MMP26: variants seen among roughly 807,000 people sequenced by gnomAD.
MMP26 encodes matrix metallopeptidase 26, also known as matrix metalloproteinase-26.
Under a neutral mutation model 31.0 loss-of-function variants are expected in MMP26, and 33 were observed. The observed-to-expected ratio is 1.06, with a 90% CI of 0.81 to 1.42. The LOEUF is 1.42. MMP26 is among the 40% of genes most tolerant of loss of function. MMP26 has a pLI of 0.00. For missense variants in MMP26, 347 were observed against 316.1 expected, an observed-to-expected ratio of 1.10 and a Z score of -0.74; for synonymous variants, 122 against 114.9, an observed-to-expected ratio of 1.06 and a Z score of -0.40.
chr11:4,959,922 A>G (rs1362207516), intron 2 of MMP26, among the ~76,000 whole-genome samples: 1 of 151,904 alleles, frequency 6.6e-6, no homozygotes, highest in East Asian at 1.9e-4. Flanking sequence ...TCTCACCTTT[A>G]GACTCACAAT....
intron 2 of MMP26, among the ~76,000 whole-genome samples, chr11:4,893,181 T>G (rs148462330): frequency 6.6e-6 from 1 of 152,278 alleles, no homozygotes; most frequent in African/African-American, 2.4e-5. Flanking sequence ...TTATGTTTTA[T>G]ATCAAATATA....
chr11:4,768,991 C>T (rs776081557), intron 2 of MMP26: 1 of 1,503,138 alleles, frequency 6.7e-7, no homozygotes, highest in African/African-American at 1.4e-5. Context: ...ATTTTGTAAG[C>T]AGCAGACTGA....
chr11:4,915,872 T>G (rs1851080863), intron 2 of MMP26: 4 of 499,704 alleles, frequency 8.0e-6, no homozygotes, highest in African/African-American at 1.9e-5. Context: ...ATAGTTTCAA[T>G]AAGAAGCAAA....
At position 4,761,494 on chromosome 11, in the gene MMP26, A is replaced by G. The variant is rs575058153; in HGVS notation, c.-216-5776A>G. Among the ~76,000 whole-genome samples the G allele has an allele frequency of 9.2e-5, 14 of 152,168 alleles. No homozygotes were observed. In the South Asian group the frequency reaches 2.9e-3, roughly 32 times the overall value. On this transcript the variant is annotated intron_variant, in intron 1 of 7. Coordinates refer to ENST00000380390, the MANE Select transcript of MMP26 (RefSeq NM_021801.5). ...AAGTGTGCCTCTGTGGGATTTTTGCACCATTCTGTTACACTGCACTTCTTA... is the reference window on the plus strand; with the variant it reads ...AAGTGTGCCTCTGTGGGATTTTTGCGCCATTCTGTTACACTGCACTTCTTA...
chr11:4,849,594 C>T (rs1457593435), intron 2 of MMP26, among the ~76,000 whole-genome samples: 1 of 152,108 alleles, frequency 6.6e-6, no homozygotes, highest in Non-Finnish European at 1.5e-5. Context: ...TTCCCAACCC[C>T]AGACAGTCTG....
At chr11:4,821,942 T>C (rs1849510716) in intron 2 of MMP26, 3 of 1,614,054 alleles carry the variant, frequency 1.9e-6, no homozygotes, top group Non-Finnish European at 2.5e-6. Context: ...TGCAGTTCTA[T>C]GGTCCTTTCA....
intron 2 of MMP26, chr11:4,832,417 T>G (rs1023190365): frequency 6.5e-6 from 1 of 152,946 alleles, no homozygotes; most frequent in Non-Finnish European, 1.5e-5. Flanking sequence ...TGGGGATTTC[T>G]GCTGATACAT....
At chr11:4,777,047 A>G (rs1848799236) in intron 2 of MMP26, among the ~76,000 whole-genome samples, 1 of 152,160 alleles carries the variant, frequency 6.6e-6, no homozygotes, top group Admixed American at 6.5e-5. Flanking sequence ...CTTAAAATAC[A>G]AGGGTACTAG....
intron 1 of MMP26, among the ~76,000 whole-genome samples, chr11:4,759,834 G>T (rs1449706498): frequency 6.6e-6 from 1 of 152,204 alleles, no homozygotes; most frequent in Non-Finnish European, 1.5e-5. Context: ...ATGCACAAAA[G>T]AGGATGGCTG....
At chr11:4,964,315 A>C (rs1166282810) in intron 2 of MMP26, among the ~76,000 whole-genome samples, 1 of 152,122 alleles carries the variant, frequency 6.6e-6, no homozygotes, top group Non-Finnish European at 1.5e-5. Context: ...TTCCAGTTTC[A>C]ATTTTCTGCA....
At chr11:4,864,482 G>T (rs1850208013) in intron 2 of MMP26, among the ~76,000 whole-genome samples, 1 of 152,040 alleles carries the variant, frequency 6.6e-6, no homozygotes, top group African/African-American at 2.4e-5. Flanking sequence ...TTGTGGTGAT[G>T]CTTTAGTTTA....
At chr11:4,956,473 T>C (rs968185208) in intron 2 of MMP26, among the ~76,000 whole-genome samples, 1 of 152,066 alleles carries the variant, frequency 6.6e-6, no homozygotes, top group African/African-American at 2.4e-5. Context: ...TGGAGAGAGG[T>C]CCTTAATTGG....
Position 4,949,195 on chromosome 11 carries a change from C to T in MMP26, c.-144-38873C>T, listed in dbSNP as rs1846347725. On this transcript the variant is annotated intron_variant, in intron 2 of 7. Transcript: ENST00000380390. ...ATGATTGTATTTTTTAAACTGGCAT[C>T]TTTTTTATCTTTATTATTATTTTTC... Among the ~76,000 whole-genome samples, 2 of 123,452 alleles carry T rather than the reference C, an allele frequency of 1.6e-5. 1 individual carries two copies. The highest frequency in any genetic ancestry group is 3.7e-5 in the Non-Finnish European group (2 of 54,512). 81.0% of individuals were successfully genotyped at this position (123,452 alleles called of 152,430 possible).
At chr11:4,786,496 T>A (rs1848947262) in intron 2 of MMP26, among the ~76,000 whole-genome samples, 1 of 10,630 alleles carries the variant, frequency 9.4e-5, no homozygotes, top group Non-Finnish European at 2.3e-4. Context: ...GCTGATCCTT[T>A]TTTTTTTTTT....
At position 4,750,991 on chromosome 11, in the gene MMP26, AG is replaced by A. The variant is rs776023228; in HGVS notation, c.-216-16278del. Among the ~76,000 whole-genome samples, 14 of 152,192 alleles carry A rather than the reference AG, an allele frequency of 9.2e-5. No individual in the cohort carries two copies. In the South Asian group the frequency reaches 1.5e-3, roughly 16 times the overall value. ...ACGGGGACAACTTTCTGAGACCTAA[AG>A]TTCCATAATAGCCATTCAACTATGC... On this transcript the variant is annotated intron_variant, in intron 1 of 7. Transcript: ENST00000380390.
intron 1 of MMP26, among the ~76,000 whole-genome samples, chr11:4,763,127 C>A (rs990258925): frequency 6.6e-6 from 1 of 151,992 alleles, no homozygotes; most frequent in Non-Finnish European, 1.5e-5. Flanking sequence ...ATAGAATGTG[C>A]CTTGAGAGAG....
At chr11:4,725,680 C>T (rs1482582784) in intron 1 of MMP26, among the ~76,000 whole-genome samples, 1 of 152,192 alleles carries the variant, frequency 6.6e-6, no homozygotes, top group Non-Finnish European at 1.5e-5. Flanking sequence ...ACTCTCTCAT[C>T]AGGTGTTTGA....
intron 1 of MMP26, among the ~76,000 whole-genome samples, chr11:4,744,618 C>T (rs1269014772): frequency 6.6e-6 from 1 of 152,082 alleles, no homozygotes; most frequent in African/African-American, 2.4e-5. Context: ...TACCTCGCCC[C>T]ACAAAAAAAC....
intron 3 of MMP26, 67 bp downstream of exon 3, chr11:4,988,377 G>C (rs1846938191): frequency 3.4e-6 from 4 of 1,161,952 alleles, no homozygotes; most frequent in Non-Finnish European, 5.2e-6. Context: ...TCGTGTGTGT[G>C]TGTATGTGTG....
Sources: gnomAD v4.1 joint callset for allele counts (sites outside exome capture counted in the v4.1 genomes callset) on GRCh38, gnomAD v4.1.1 for gene constraint, MANE v1.5 for transcripts, NCBI Gene and HGNC (gene_info 2026-07-23, HGNC 2026-07-21) for gene names.